AVEN: variants seen among roughly 807,000 people sequenced by gnomAD.
AVEN encodes the protein apoptosis and caspase activation inhibitor, also known as cell death regulator Aven.
A neutral mutation model predicts 38.1 loss-of-function variants in AVEN; 41 were observed. That is an observed-to-expected ratio of 1.08 (90% CI 0.84 to 1.40). The LOEUF is 1.40. Ranked by LOEUF, AVEN falls within the 40% of genes most tolerant of loss-of-function variation. The pLI is 0.00. For synonymous variants in AVEN, 206 were observed against 171.8 expected (o/e 1.20, Z -1.56); for missense variants, 605 against 438.8 (o/e 1.38, Z -3.38).
downstream of AVEN, among the ~76,000 whole-genome samples, chr15:33,857,234 T>C (rs2079775882): frequency 1.6e-5 from 1 of 64,430 alleles, no homozygotes; most frequent in South Asian, 8.4e-4. Context: ...GTAAGTCCAG[T>C]ATCATGGTGC....
chr15:34,067,522 T>G (rs570049866), intron 2 of AVEN: 1 of 152,330 alleles, frequency 6.6e-6, no homozygotes, highest in East Asian at 1.9e-4. Flanking sequence ...TAGATCCATC[T>G]ATATTGGGTT....
rs149578216 is a variant in AVEN at position 33,983,679 on chromosome 15, C to T, written c.445+19353G>A. On this transcript the variant is annotated intron_variant, in intron 2 of 5. Transcript: ENST00000306730. ...TTCCATGGATGAAGCTTACTCGCAT[C>T]GTCTTGAGTGTGAGCAGGACTTAGT... Among the ~76,000 whole-genome samples, 412 of 152,116 alleles carry T rather than the reference C, an allele frequency of 2.7e-3. 2 individuals carry two copies. Among genetic ancestry groups the T allele is most frequent in the African/African-American group, 9.6e-3 (399 of 41,494 alleles).
chr15:33,981,863 C>T (rs1896162536), intron 2 of AVEN, among the ~76,000 whole-genome samples: 1 of 152,018 alleles, frequency 6.6e-6, no homozygotes, highest in South Asian at 2.1e-4. Context: ...GAAACGGAGT[C>T]TCACTCTGTT....
At chr15:34,032,631 CAGAA>C (rs141695212) in intron 1 of AVEN, among the ~76,000 whole-genome samples, 3,088 of 152,240 alleles carry the variant, frequency 0.02, 113 homozygotes, top group African/African-American at 0.066. Flanking sequence ...CCTAGGGGTT[CAGAA>C]AGATTTTCCA....
intron 5 of AVEN, among the ~76,000 whole-genome samples, chr15:33,867,136 G>A (rs533895656): frequency 3.3e-5 from 5 of 152,170 alleles, no homozygotes; most frequent in Admixed American, 6.5e-5. Context: ...GACAGAAATA[G>A]CAAGAAAAAG....
At chr15:33,994,317 C>A (rs901510546) in intron 2 of AVEN, among the ~76,000 whole-genome samples, 1 of 152,198 alleles carries the variant, frequency 6.6e-6, no homozygotes, top group African/African-American at 2.4e-5. Context: ...AATCTAAGGC[C>A]TGATGATCTG....
chr15:33,857,082 A>G (rs1769072910), downstream of AVEN, among the ~76,000 whole-genome samples: 1 of 152,140 alleles, frequency 6.6e-6, no homozygotes, highest in Non-Finnish European at 1.5e-5. Flanking sequence ...GCACTATTCA[A>G]TACTTAAGTT....
At chr15:33,920,646 T>C (rs183900700) in intron 2 of AVEN, among the ~76,000 whole-genome samples, 8 of 152,344 alleles carry the variant, frequency 5.3e-5, no homozygotes, top group African/African-American at 1.9e-4. Flanking sequence ...AAAAAATGTA[T>C]GTGTCTTGCC....
At chr15:33,972,041 T>C (rs967668540) in intron 2 of AVEN, 10 of 152,192 alleles carry the variant, frequency 6.6e-5, no homozygotes, top group Non-Finnish European at 5.9e-5. Context: ...ACTAAAGAGA[T>C]GCATGACAGG....
At position 34,070,239 on chromosome 15, in the gene AVEN, A is replaced by G. The variant is rs929865984; in HGVS notation, n.784+349T>C. On this transcript the variant is annotated intron_variant and non_coding_transcript_variant, in intron 2 of 11. Transcript: ENST00000675287. ...CGCCTCCAGGCTTCAACTACCTCCC[A>G]CTGGGTCCGTCCCACAAGACATGGG... Among the ~76,000 whole-genome samples, 23 of 152,296 alleles carry G rather than the reference A, an allele frequency of 1.5e-4. 1 individual carries two copies. The highest frequency in any genetic ancestry group is 1.5e-3 in the Admixed American group (23 of 15,294).
intron 5 of AVEN, chr15:34,062,624 G>T: frequency 1.9e-6 from 2 of 1,064,446 alleles, no homozygotes; most frequent in Non-Finnish European, 2.7e-6. Flanking sequence ...CGAAGCTAAT[G>T]TGTTTCCCTC....
intron 2 of AVEN, among the ~76,000 whole-genome samples, chr15:33,978,016 G>C (rs941920738): frequency 6.6e-6 from 1 of 151,272 alleles, no homozygotes; most frequent in Admixed American, 6.6e-5. Flanking sequence ...AAGGGAGGGA[G>C]GGAGGGAGGG....
Position 34,049,808 on chromosome 15 carries a change from G to C in AVEN, n.1637+13114C>G, listed in dbSNP as rs1190617055. Among the ~76,000 whole-genome samples, 4 of 151,598 alleles carry C rather than the reference G, an allele frequency of 2.6e-5. No individual in the cohort carries two copies. The East Asian group carries it at 7.8e-4, about 29-fold the overall frequency. On this transcript the variant is annotated intron_variant and non_coding_transcript_variant, in intron 5 of 11. Coordinates refer to the AVEN transcript ENST00000675287. ...AGAAGGGCCAGTTCACCTACAAAAG[G>C]AAGCCCATGAGACTAACAGCAGGCC...
intron 2 of AVEN, among the ~76,000 whole-genome samples, chr15:33,931,702 A>C (rs565805738): frequency 6.6e-6 from 1 of 152,312 alleles, no homozygotes; most frequent in Non-Finnish European, 1.5e-5. Flanking sequence ...AAAGTGTTAC[A>C]ACAAAATCAA....
chr15:34,051,259 T>G (rs574095288), intron 5 of AVEN, among the ~76,000 whole-genome samples: 1 of 151,604 alleles, frequency 6.6e-6, no homozygotes, highest in South Asian at 2.1e-4. Context: ...GGGCAAATAA[T>G]GAAATTAAGA....
chr15:33,874,307 C>T (rs1476763468), intron 3 of AVEN, among the ~76,000 whole-genome samples: 1 of 152,122 alleles, frequency 6.6e-6, no homozygotes, highest in Non-Finnish European at 1.5e-5. Context: ...ATCTAGAATT[C>T]ACACTCAGGT....
intron 1 of AVEN, among the ~76,000 whole-genome samples, chr15:34,028,542 G>A (rs969111641): frequency 2.0e-5 from 3 of 152,050 alleles, no homozygotes; most frequent in Non-Finnish European, 2.9e-5. Context: ...CTCCAGCATG[G>A]GTAACAAAGT....
intron 2 of AVEN, among the ~76,000 whole-genome samples, chr15:33,966,664 T>TGAGAC (rs58324527): frequency 0.79 from 120,128 of 151,966 alleles, 53,406 homozygotes; most frequent in Non-Finnish European, 0.97. Context: ...AAAGATGAGA[T>TGAGAC]AAGAGTGAGA....
At chr15:33,913,320 T>C (rs1049216455) in intron 2 of AVEN, among the ~76,000 whole-genome samples, 1 of 152,224 alleles carries the variant, frequency 6.6e-6, no homozygotes, top group African/African-American at 2.4e-5. Flanking sequence ...TAATTGGTAT[T>C]AAAAGGAGTA....
Sources: gnomAD v4.1 joint callset for allele counts (sites outside exome capture counted in the v4.1 genomes callset) on GRCh38, gnomAD v4.1.1 for gene constraint, MANE v1.5 for transcripts, NCBI Gene and HGNC (gene_info 2026-07-23, HGNC 2026-07-21) for gene names.